CDH12: variants seen among roughly 807,000 people sequenced by gnomAD.
CDH12 encodes cadherin-12.
In CDH12, 41 loss-of-function variants were observed where a neutral mutation model predicts 74.1. The ratio of observed to expected loss-of-function variants is 0.55; its 90% CI spans 0.43 to 0.72. CDH12 has a LOEUF of 0.72. Ranked by LOEUF, CDH12 falls within the 30% of genes least tolerant of loss-of-function variation. The probability of loss-of-function intolerance (pLI) is 0.00; values close to 1 mark genes in which losing one functional copy is unlikely to be tolerated. For missense variants in CDH12, 945 were observed against 977.2 expected, an observed-to-expected ratio of 0.97 and a Z score of 0.44; for synonymous variants, 399 against 355.0, an observed-to-expected ratio of 1.12 and a Z score of -1.39.
chr5:22,210,810 CTCTT>C (rs1283102978), intron 4 of CDH12, among the ~76,000 whole-genome samples: 2 of 151,096 alleles, frequency 1.3e-5, no homozygotes, highest in African/African-American at 4.9e-5. Context: ...TTAATGTTGC[CTCTT>C]TCTGTTTATC....
At chr5:22,075,905 G>A (rs1404956378) in intron 5 of CDH12, among the ~76,000 whole-genome samples, 1 of 151,968 alleles carries the variant, frequency 6.6e-6, no homozygotes, top group East Asian at 1.9e-4. Context: ...TAATCTCAAA[G>A]TCTTTCTGGA....
At chr5:22,322,023 A>C (rs1477863492) in intron 3 of CDH12, among the ~76,000 whole-genome samples, 2 of 152,222 alleles carry the variant, frequency 1.3e-5, no homozygotes, top group Non-Finnish European at 2.9e-5. Flanking sequence ...TTTCATAAAT[A>C]GCAAATAAAT....
intron 8 of CDH12, among the ~76,000 whole-genome samples, chr5:21,823,685 C>G (rs181736009): frequency 1.4e-3 from 219 of 151,170 alleles, no homozygotes; most frequent in African/African-American, 4.9e-3. Flanking sequence ...GATCTACTGT[C>G]CTTAAATATC....
chr5:22,334,891 A>G (rs1561321871), intron 3 of CDH12, among the ~76,000 whole-genome samples: 1 of 152,182 alleles, frequency 6.6e-6, no homozygotes, highest in Non-Finnish European at 1.5e-5. Flanking sequence ...AACTATAAAA[A>G]TACTATAAGA....
At chr5:22,511,760 G>T (rs143747591) in intron 1 of CDH12, among the ~76,000 whole-genome samples, 21 of 152,272 alleles carry the variant, frequency 1.4e-4, no homozygotes, top group Admixed American at 9.2e-4. Flanking sequence ...AGTCTTGCCC[G>T]TGTTTATAAG....
rs536663664 is a variant in CDH12, at chr5:22,317,921, A to G, written c.-333+87336T>C. On this transcript the variant is annotated intron_variant, in intron 3 of 14. Transcript: ENST00000382254. ...TCTGTATTTTTGGCCTAAAACTACA[A>G]TTCAGTGTTTAGATAATAAGTCCCA... is the stretch of plus-strand genomic sequence containing the variant. 1.4e-3 allele frequency among the ~76,000 whole-genome samples: 220 copies of G among 152,318 alleles called. 4 individuals carry two copies. The highest frequency in any genetic ancestry group is 5.0e-3 in the African/African-American group (209 of 41,578).
At chr5:22,071,003 G>A (rs910099311) in intron 5 of CDH12, among the ~76,000 whole-genome samples, 6 of 152,024 alleles carry the variant, frequency 3.9e-5, no homozygotes, top group Non-Finnish European at 5.9e-5. Context: ...AGAGCATCAG[G>A]ATAAATAGCT....
intron 1 of CDH12, among the ~76,000 whole-genome samples, chr5:22,637,844 T>C (rs943391761): frequency 2.0e-5 from 3 of 152,222 alleles, no homozygotes; most frequent in Non-Finnish European, 2.9e-5. Flanking sequence ...TGTCTACTTA[T>C]AGTAGAGATT....
chr5:22,400,679 C>G (rs773727607), intron 3 of CDH12, among the ~76,000 whole-genome samples: 2 of 152,062 alleles, frequency 1.3e-5, no homozygotes, highest in South Asian at 2.1e-4. Context: ...ATTAGATCAT[C>G]ATATATTTTG....
At chr5:22,693,945 A>ATTTT in intron 1 of CDH12, among the ~76,000 whole-genome samples, 1 of 151,900 alleles carries the variant, frequency 6.6e-6, no homozygotes, top group South Asian at 2.1e-4. Context: ...TTATTTATTT[A>ATTTT]TTTGTTTATT....
intron 6 of CDH12, among the ~76,000 whole-genome samples, chr5:21,902,060 T>C (rs890630573): frequency 1.3e-5 from 2 of 152,148 alleles, no homozygotes; most frequent in Non-Finnish European, 2.9e-5. Flanking sequence ...TATCACTGGA[T>C]GGAATCTTTC....
intron 3 of CDH12, among the ~76,000 whole-genome samples, chr5:22,255,746 G>T (rs1753288464): frequency 6.6e-6 from 1 of 151,626 alleles, no homozygotes; most frequent in Non-Finnish European, 1.5e-5. Flanking sequence ...ACAAATAACT[G>T]ATCTAGAACA....
chr5:21,926,073 T>A (rs990945161), intron 6 of CDH12, among the ~76,000 whole-genome samples: 10 of 152,298 alleles, frequency 6.6e-5, no homozygotes, highest in Middle Eastern at 3.4e-3. Context: ...CACTTGAAAG[T>A]TCAGATTGAT....
At chr5:22,185,279 A>G (rs897960513) in intron 4 of CDH12, among the ~76,000 whole-genome samples, 12 of 150,742 alleles carry the variant, frequency 8.0e-5, no homozygotes, top group Non-Finnish European at 1.5e-4. Flanking sequence ...GCTCACTGCA[A>G]TCTCTGCCTC....
chr5:22,837,345 C>A (rs1469966018), intron 1 of CDH12, among the ~76,000 whole-genome samples: 4 of 152,000 alleles, frequency 2.6e-5, no homozygotes, highest in Non-Finnish European at 5.9e-5. Context: ...CACGTTGAGG[C>A]TACAGTGAGC....
At chr5:22,376,146 G>T (rs115385077) in intron 3 of CDH12, among the ~76,000 whole-genome samples, 1 of 152,098 alleles carries the variant, frequency 6.6e-6, no homozygotes, top group Non-Finnish European at 1.5e-5. Flanking sequence ...CATGTCATTC[G>T]CAGCAGCATG....
intron 1 of CDH12, among the ~76,000 whole-genome samples, chr5:22,790,479 C>G (rs2126380993): frequency 6.6e-6 from 1 of 152,142 alleles, no homozygotes; most frequent in South Asian, 2.1e-4. Context: ...AGAAGGATAC[C>G]TAGCAAAATG....
rs543596764 is a variant in CDH12, at chr5:22,405,993, C to T, written c.-427-642G>A. ...TACTGGATTATTTAGGAAATAATGG[C>T]AAGTAAAAATGTTTGTACATATTCA... is the stretch of plus-strand genomic sequence containing the variant. On this transcript the variant is annotated intron_variant, in intron 2 of 14. Coordinates refer to ENST00000382254, the MANE Select transcript of CDH12 (RefSeq NM_004061.5). Among the ~76,000 whole-genome samples the T allele has an allele frequency of 3.9e-5, 6 of 152,128 alleles. No individual in the cohort carries two copies. In the South Asian group the frequency reaches 1.0e-3, roughly 26 times the overall value.
rs199802111 is a variant in CDH12, at chr5:22,739,294, C to CA, written c.-523+113763dup. On this transcript the variant is annotated intron_variant, in intron 1 of 14. Transcript: ENST00000382254. ...TATAGTGAAATAAACATATATACAA[C>CA]ATTTTTGAATTTAAAAATTTTACTT... 2.9e-4 allele frequency among the ~76,000 whole-genome samples: 39 copies of CA among 134,692 alleles called. No individual in the cohort carries two copies. The East Asian group carries it at 6.8e-3, about 23-fold the overall frequency. 88.4% of individuals were successfully genotyped at this position (134,692 alleles called of 152,430 possible).
Sources: gnomAD v4.1 joint callset for allele counts (sites outside exome capture counted in the v4.1 genomes callset) on GRCh38, gnomAD v4.1.1 for gene constraint, MANE v1.5 for transcripts, NCBI Gene and HGNC (gene_info 2026-07-23, HGNC 2026-07-21) for gene names.